ZNF254: variants seen among roughly 807,000 people sequenced by gnomAD.
The protein encoded by ZNF254 is CTD-2017D11.1.
In ZNF254, 10 loss-of-function variants were observed where a neutral mutation model predicts 12.4. That is an observed-to-expected ratio of 0.80 (90% CI 0.50 to 1.36). The LOEUF (loss-of-function observed/expected upper bound fraction) is 1.36, where lower values mean the gene tolerates loss of function less well. ZNF254 is among the 40% of genes most tolerant of loss of function. The pLI is 0.00. For synonymous variants in ZNF254, 305 were observed against 253.4 expected, an observed-to-expected ratio of 1.20 and a Z score of -1.93; for missense variants, 996 against 763.9, an observed-to-expected ratio of 1.30 and a Z score of -3.58.
chr19:24,062,172 G>A (rs1338050035), intron 2 of ZNF254, among the ~76,000 whole-genome samples: 1 of 151,918 alleles, frequency 6.6e-6, no homozygotes. Flanking sequence ...CCACTCTCTT[G>A]TATATTGTGT....
At chr19:24,123,016 A>G (rs112037975) in intron 3 of ZNF254, among the ~76,000 whole-genome samples, 1 of 151,930 alleles carries the variant, frequency 6.6e-6, no homozygotes, top group Non-Finnish European at 1.5e-5. Context: ...TGGGTACTTT[A>G]TTGTCTCTTG....
In ZNF254 at chr19:24,128,976, A is replaced by T. The variant is rs186419116; in HGVS notation, c.*996A>T. On this transcript the variant is annotated 3_prime_UTR_variant, in exon 4 of 4. Transcript: ENST00000357002. ...CTGTTTCATCATTGCTGGTGTATTCATATGTGAAAGCATGTGACTAATTGT... is the reference window on the plus strand; with the variant it reads ...CTGTTTCATCATTGCTGGTGTATTCTTATGTGAAAGCATGTGACTAATTGT... 6.6e-6 allele frequency: 1 copy of T among 151,516 alleles called. No homozygotes were observed. The highest frequency in any genetic ancestry group is 6.6e-5 in the Admixed American group (1 of 15,198). 9.4% of individuals were successfully genotyped at this position (151,516 alleles called of 1,614,324 possible).
chr19:24,067,030 AT>A (rs1023211303), intron 2 of ZNF254: 9 of 152,076 alleles, frequency 5.9e-5, no homozygotes, highest in African/African-American at 1.9e-4. Flanking sequence ...CGTATAGCTA[AT>A]TTTTTTCTTT....
chr19:24,092,827 A>G (rs1298614559), intron 1 of ZNF254, among the ~76,000 whole-genome samples: 3 of 152,258 alleles, frequency 2.0e-5, no homozygotes, highest in African/African-American at 4.8e-5. Flanking sequence ...TATATACCCA[A>G]TTATTAGGTT....
intron 1 of ZNF254, among the ~76,000 whole-genome samples, chr19:24,041,444 G>T (rs779146289): frequency 6.6e-6 from 1 of 152,232 alleles, no homozygotes; most frequent in Non-Finnish European, 1.5e-5. Context: ...GGCAATGGGG[G>T]ACTTAGCACC....
At chr19:24,097,372 C>A (rs1972734370) in intron 1 of ZNF254, among the ~76,000 whole-genome samples, 1 of 151,838 alleles carries the variant, frequency 6.6e-6, no homozygotes, top group Non-Finnish European at 1.5e-5. Context: ...CCATGGTGAT[C>A]GTTTGCAGGC....
intron 3 of ZNF254, among the ~76,000 whole-genome samples, chr19:24,125,745 AT>A (rs1338104475): frequency 6.6e-6 from 1 of 152,078 alleles, no homozygotes; most frequent in Non-Finnish European, 1.5e-5. Context: ...CTGCTGTAAC[AT>A]TTTTCTTTGG....
upstream of ZNF254, among the ~76,000 whole-genome samples, chr19:24,083,107 C>T (rs1971909090): frequency 1.3e-5 from 2 of 152,194 alleles, no homozygotes; most frequent in South Asian, 4.1e-4. Context: ...CTGATCAATT[C>T]AGTAAAGTTT....
At chr19:24,115,303 A>G (rs543452301) in intron 3 of ZNF254, among the ~76,000 whole-genome samples, 34 of 152,202 alleles carry the variant, frequency 2.2e-4, no homozygotes, top group African/African-American at 7.2e-4. Flanking sequence ...AGACTGGATT[A>G]AGAAAATGTG....
chr19:24,061,896 C>A (rs1282828504), intron 2 of ZNF254, among the ~76,000 whole-genome samples: 8 of 151,876 alleles, frequency 5.3e-5, no homozygotes, highest in African/African-American at 1.9e-4. Context: ...CCAGCCTGAC[C>A]AACATGGAAA....
chr19:24,079,554 A>G (rs1971777135), intron 2 of ZNF254: 2 of 152,228 alleles, frequency 1.3e-5, no homozygotes, highest in South Asian at 2.1e-4. Context: ...TGGCTCTATA[A>G]TAAGACAAGT....
Position 24,105,377 on chromosome 19 carries a change from AAAC to A in ZNF254, c.31-558_31-556del, listed in dbSNP as rs898250314. The stretch of plus-strand genomic sequence containing the variant: ...AACTAAAAAAAAAAACAAAAAACAA[AAAC>A]AACAGGCTCTTCCACTTACTGGATG... On this transcript the variant is annotated intron_variant, in intron 1 of 3. Transcript: ENST00000357002. 3.8e-5 allele frequency: 9 copies of A among 237,004 alleles called. No individual in the cohort carries two copies. The Admixed American group carries it at 4.7e-4, about 12-fold the overall frequency. The allele number at this position is 237,004 out of a possible 1,614,324, so 14.7% of individuals were successfully genotyped here.
intron 3 of ZNF254, among the ~76,000 whole-genome samples, chr19:24,121,148 T>G (rs1372210757): frequency 6.6e-6 from 1 of 152,178 alleles, no homozygotes; most frequent in African/African-American, 2.4e-5. Flanking sequence ...TAAATTTAAA[T>G]CAAATATTCT....
chr19:24,085,422 A>ATT (rs1971995045), upstream of ZNF254, among the ~76,000 whole-genome samples: 1 of 133,650 alleles, frequency 7.5e-6, no homozygotes, highest in Non-Finnish European at 1.6e-5. Flanking sequence ...ATATATATAT[A>ATT]TATAAAAACT....
chr19:24,049,207 TA>T (rs1568426462), intron 2 of ZNF254, among the ~76,000 whole-genome samples: 10 of 60,244 alleles, frequency 1.7e-4, no homozygotes, highest in African/African-American at 3.1e-4. Context: ...TATATATATA[TA>T]TATATATTTT....
intron 1 of ZNF254, among the ~76,000 whole-genome samples, chr19:24,044,968 T>C (rs887271260): frequency 1.3e-5 from 2 of 152,252 alleles, no homozygotes; most frequent in Non-Finnish European, 2.9e-5. Context: ...TGAGTCGGAA[T>C]AACTTACCTT....
intron 2 of ZNF254, chr19:24,066,183 C>T (rs1971263189): frequency 1.3e-5 from 2 of 152,270 alleles, no homozygotes; most frequent in East Asian, 1.9e-4. Context: ...ACCCTGCCTA[C>T]ACAGAAAGTT....
At chr19:24,057,651 A>T (rs1304774820) in intron 2 of ZNF254, among the ~76,000 whole-genome samples, 2 of 152,218 alleles carry the variant, frequency 1.3e-5, no homozygotes, top group African/African-American at 4.8e-5. Flanking sequence ...TGAATCTCAT[A>T]TCCAGAGACA....
intron 2 of ZNF254, among the ~76,000 whole-genome samples, chr19:24,068,208 T>A (rs1212995076): frequency 1.3e-5 from 2 of 152,034 alleles, no homozygotes; most frequent in African/African-American, 2.4e-5. Context: ...ACCAGGTATG[T>A]GTCTATCCTC....
Sources: gnomAD v4.1 joint callset for allele counts (sites outside exome capture counted in the v4.1 genomes callset) on GRCh38, gnomAD v4.1.1 for gene constraint, MANE v1.5 for transcripts, NCBI Gene and HGNC (gene_info 2026-07-23, HGNC 2026-07-21) for gene names.